LUZP2: variants seen among roughly 807,000 people sequenced by gnomAD.
The protein encoded by LUZP2 is leucine zipper protein 2.
Under a neutral mutation model 51.6 loss-of-function variants are expected in LUZP2, and 52 were observed. That is an observed-to-expected ratio of 1.01 (90% confidence interval 0.81 to 1.27). The LOEUF is 1.27. LUZP2 is among the 50% of genes most tolerant of loss of function. LUZP2 has a pLI of 0.00. For synonymous variants in LUZP2, 154 were observed against 137.3 expected (o/e 1.12, Z -0.85); for missense variants, 436 against 395.4 (o/e 1.10, Z -0.87).
intron 5 of LUZP2, among the ~76,000 whole-genome samples, chr11:24,830,010 T>G (rs940641116): frequency 6.6e-6 from 1 of 152,190 alleles, no homozygotes; most frequent in African/African-American, 2.4e-5. Flanking sequence ...ATTTAAAGAC[T>G]TAGTGAAATA....
At chr11:24,758,712 A>G (rs895603422) in intron 4 of LUZP2, among the ~76,000 whole-genome samples, 8 of 152,072 alleles carry the variant, frequency 5.3e-5, no homozygotes, top group Non-Finnish European at 1.0e-4. Flanking sequence ...TTTAGATTTA[A>G]GAGCAGATAA....
intron 5 of LUZP2, among the ~76,000 whole-genome samples, chr11:24,880,007 C>T (rs1240134405): frequency 6.6e-6 from 1 of 152,148 alleles, no homozygotes; most frequent in Non-Finnish European, 1.5e-5. Flanking sequence ...GTCTCTGAGC[C>T]CAGCTCAGCA....
intron 1 of LUZP2, among the ~76,000 whole-genome samples, chr11:24,710,995 TAG>T (rs1334184599): frequency 7.6e-6 from 1 of 130,754 alleles, no homozygotes; most frequent in African/African-American, 3.1e-5. Flanking sequence ...GGGAGGGAGG[TAG>T]AGAGGGGGAA....
chr11:24,888,252 C>T (rs942180260), intron 5 of LUZP2, among the ~76,000 whole-genome samples: 2 of 151,950 alleles, frequency 1.3e-5, no homozygotes, highest in Non-Finnish European at 2.9e-5. Context: ...GTTTTCTGAG[C>T]CTTATTCATA....
intron 5 of LUZP2, among the ~76,000 whole-genome samples, chr11:24,883,649 G>A (rs557552108): frequency 3.1e-4 from 47 of 152,064 alleles, no homozygotes; most frequent in Non-Finnish European, 6.0e-4. Flanking sequence ...AATAAGTTAG[G>A]TCTAAATTTA....
At chr11:24,527,499 A>T (rs10500982) in intron 1 of LUZP2, among the ~76,000 whole-genome samples, 1 of 150,874 alleles carries the variant, frequency 6.6e-6, no homozygotes, top group South Asian at 2.1e-4. Context: ...GCCATAGTAC[A>T]TTAATGCTAA....
chr11:25,008,502 G>T (rs571052030), intron 9 of LUZP2, among the ~76,000 whole-genome samples: 1 of 152,140 alleles, frequency 6.6e-6, no homozygotes, highest in Non-Finnish European at 1.5e-5. Context: ...GGCCTATCAC[G>T]GCTCATTTGG....
intron 1 of LUZP2, among the ~76,000 whole-genome samples, chr11:24,711,294 CA>C (rs565781080): frequency 6.6e-6 from 1 of 151,792 alleles, no homozygotes; most frequent in Non-Finnish European, 1.5e-5. Context: ...ACTAAAAATA[CA>C]AAAAATTAGC....
intron 1 of LUZP2, among the ~76,000 whole-genome samples, chr11:24,544,035 G>T (rs1482103470): frequency 6.6e-6 from 1 of 151,972 alleles, no homozygotes; most frequent in Non-Finnish European, 1.5e-5. Context: ...AAAAAAAGCA[G>T]CCTTATTCAG....
At chr11:24,866,028 C>T (rs1165405634) in intron 5 of LUZP2, among the ~76,000 whole-genome samples, 1 of 151,342 alleles carries the variant, frequency 6.6e-6, no homozygotes, top group African/African-American at 2.4e-5. Flanking sequence ...AGGTTGGTCT[C>T]GAACTCTTGA....
At chr11:24,589,139 C>A (rs761141510) in intron 1 of LUZP2, among the ~76,000 whole-genome samples, 8 of 152,144 alleles carry the variant, frequency 5.3e-5, no homozygotes, top group Non-Finnish European at 1.0e-4. Context: ...CCTCTGGCTG[C>A]TTTCTGGGAA....
At chr11:25,008,123 G>T (rs1382822703) in intron 9 of LUZP2, among the ~76,000 whole-genome samples, 1 of 152,176 alleles carries the variant, frequency 6.6e-6, no homozygotes, top group Non-Finnish European at 1.5e-5. Context: ...TCAGTTCTGG[G>T]TTGACTACTG....
chr11:24,899,953 A>G (rs952361162), intron 5 of LUZP2, among the ~76,000 whole-genome samples: 26 of 152,176 alleles, frequency 1.7e-4, no homozygotes, highest in Non-Finnish European at 3.5e-4. Context: ...TTATATGTCA[A>G]TGCTGAAAAT....
At chr11:24,847,997 C>A (rs1280900689) in intron 5 of LUZP2, among the ~76,000 whole-genome samples, 1 of 152,124 alleles carries the variant, frequency 6.6e-6, no homozygotes, top group Non-Finnish European at 1.5e-5. Context: ...TACATAGAAT[C>A]ATTTAAGATC....
chr11:24,685,068 A>C (rs1455379347), intron 1 of LUZP2, among the ~76,000 whole-genome samples: 1 of 150,322 alleles, frequency 6.7e-6, no homozygotes, highest in East Asian at 2.0e-4. Context: ...TGTTTTCCAT[A>C]TCTATCCAAG....
intron 4 of LUZP2, among the ~76,000 whole-genome samples, chr11:24,748,464 C>CT (rs34396396): frequency 0.015 from 2,103 of 142,864 alleles, 20 homozygotes; most frequent in Non-Finnish European, 0.02. Context: ...TGTTAACTTC[C>CT]TTTTTTTTTT....
At chr11:24,678,407 C>A (rs924553062) in intron 1 of LUZP2, among the ~76,000 whole-genome samples, 3 of 152,198 alleles carry the variant, frequency 2.0e-5, no homozygotes, top group African/African-American at 7.2e-5. Context: ...ATTTCCACAT[C>A]CTTGTATAGC....
chr11:24,940,646 G>A (rs1298897730), intron 7 of LUZP2, among the ~76,000 whole-genome samples: 1 of 151,912 alleles, frequency 6.6e-6, no homozygotes, highest in African/African-American at 2.4e-5. Flanking sequence ...ATAGCTTCTG[G>A]CACATATTAA....
chr11:24,862,155 C>G (rs969538866), intron 5 of LUZP2, among the ~76,000 whole-genome samples: 1 of 152,106 alleles, frequency 6.6e-6, no homozygotes, highest in Admixed American at 6.6e-5. Flanking sequence ...AGACAAAGGC[C>G]AGATCACCTA....
Sources: gnomAD v4.1 joint callset for allele counts (sites outside exome capture counted in the v4.1 genomes callset) on GRCh38, gnomAD v4.1.1 for gene constraint, MANE v1.5 for transcripts, NCBI Gene and HGNC (gene_info 2026-07-23, HGNC 2026-07-21) for gene names.